Variants in MYO3A observed in about 807,000 individuals in gnomAD.
The protein encoded by MYO3A is myosin IIIA.
In MYO3A, 180 loss-of-function variants were observed where a neutral mutation model predicts 192.7. The observed-to-expected ratio is 0.93, with a 90% CI of 0.83 to 1.06. MYO3A has a LOEUF of 1.06. Ranked by LOEUF, MYO3A falls within the 50% of genes least tolerant of loss-of-function variation. The probability of loss-of-function intolerance (pLI) is 0.00; values close to 1 mark genes in which losing one functional copy is unlikely to be tolerated. For missense variants in MYO3A, 1,896 were observed against 1,905.0 expected (o/e 1.00, Z 0.09); for synonymous variants, 628 against 645.3 (o/e 0.97, Z 0.41).
intron 6 of MYO3A, among the ~76,000 whole-genome samples, chr10:26,001,996 G>A (rs1840858405): frequency 6.6e-6 from 1 of 152,124 alleles, no homozygotes; most frequent in Non-Finnish European, 1.5e-5. Flanking sequence ...GAGGAGGGAT[G>A]CCATCTGAGA....
intron 20 of MYO3A, among the ~76,000 whole-genome samples, chr10:26,140,403 G>T (rs746756076): frequency 6.6e-6 from 1 of 152,186 alleles, no homozygotes; most frequent in Non-Finnish European, 1.5e-5. Context: ...CAAGGGAGAG[G>T]CTGGGCACGG....
chr10:26,112,412 A>G (rs1838244481), intron 17 of MYO3A, among the ~76,000 whole-genome samples: 1 of 152,272 alleles, frequency 6.6e-6, no homozygotes, highest in Middle Eastern at 3.4e-3. Flanking sequence ...TATCCCCAAT[A>G]TTGATTTTTA....
chr10:26,154,029 T>G, intron 24 of MYO3A, 100 bp downstream of exon 24: 1 of 868,306 alleles, frequency 1.2e-6, no homozygotes, highest in South Asian at 1.5e-5. Flanking sequence ...TTTTCTTAGT[T>G]TTTCTCCCTT....
At chr10:26,006,858 G>A (rs1357108217) in intron 6 of MYO3A, among the ~76,000 whole-genome samples, 2 of 151,436 alleles carry the variant, frequency 1.3e-5, no homozygotes, top group Admixed American at 6.6e-5. Context: ...AGAAAAAGAG[G>A]GAATCCTCCC....
At chr10:26,005,367 G>C (rs1841122163) in intron 6 of MYO3A, among the ~76,000 whole-genome samples, 1 of 152,146 alleles carries the variant, frequency 6.6e-6, no homozygotes, top group African/African-American at 2.4e-5. Context: ...AACTCCTCCA[G>C]ATTGAAGGAG....
chr10:26,181,653 C>A (rs1276010573), intron 31 of MYO3A, among the ~76,000 whole-genome samples: 1 of 150,576 alleles, frequency 6.6e-6, no homozygotes, highest in Non-Finnish European at 1.5e-5. Flanking sequence ...CTTTACTCAT[C>A]AAAATTGCAA....
chr10:26,090,830 G>A (rs575237655), intron 15 of MYO3A, among the ~76,000 whole-genome samples: 24 of 152,248 alleles, frequency 1.6e-4, no homozygotes, highest in Non-Finnish European at 2.8e-4. Context: ...AGAATGAATG[G>A]TGAGAAGCCC....
chr10:26,075,256 TTC>T (rs1243764177), intron 14 of MYO3A, among the ~76,000 whole-genome samples: 2 of 151,802 alleles, frequency 1.3e-5, no homozygotes, highest in African/African-American at 2.4e-5. Context: ...TTTGGATTTT[TTC>T]TTTTTTAATT....
chr10:26,070,377 T>G lies in MYO3A; in HGVS notation c.1335T>G (p.Val445=), dbSNP rs752150522. The part of the protein sequence containing the change: ...AGKTENAHLL[V]QQLTVLGKAN... ...AGACTGAAAATGCTCATCTTTTAGTTCAGCAGCTGACAGTGCTTGGAAAGG... is the reference window on the plus strand; with the variant it reads ...AGACTGAAAATGCTCATCTTTTAGTGCAGCAGCTGACAGTGCTTGGAAAGG... Residue 445 remains valine, a synonymous_variant, in exon 14 of 35, where the codon GTT becomes GTG. Transcript: ENST00000642920. The G allele has an allele frequency of 1.2e-6, 2 of 1,613,242 alleles. No homozygotes were observed.
rs368870461 is a variant in MYO3A at position 25,938,022 on chromosome 10, G to A, written c.-18+2192G>A. On this transcript the variant is annotated intron_variant, in intron 2 of 34. Transcript: ENST00000642920. ...ATGTTCTGTAAGAAAGGAGACACCC[G>A]AAACTTGTTTGGCGATTCAGACTAG... Among the ~76,000 whole-genome samples the A allele has an allele frequency of 1.7e-3, 261 of 152,258 alleles. 11 individuals are homozygous for A. The South Asian group carries it at 0.052, about 30-fold the overall frequency.
chr10:26,182,769 T>C (rs1282085016), intron 31 of MYO3A, among the ~76,000 whole-genome samples: 2 of 152,196 alleles, frequency 1.3e-5, no homozygotes, highest in African/African-American at 4.8e-5. Context: ...TTTTGGTTGT[T>C]TGGCTGTATC....
At chr10:26,188,091 A>G (rs1481146472) in intron 31 of MYO3A, among the ~76,000 whole-genome samples, 1 of 152,186 alleles carries the variant, frequency 6.6e-6, no homozygotes, top group Non-Finnish European at 1.5e-5. Context: ...TGGTTGAACT[A>G]GTTTACAGTC....
chr10:26,150,680 C>G (rs78878578), intron 23 of MYO3A, among the ~76,000 whole-genome samples: 1 of 152,060 alleles, frequency 6.6e-6, no homozygotes, highest in Non-Finnish European at 1.5e-5. Flanking sequence ...TCATAAGTGA[C>G]GTTGGTAATT....
intron 17 of MYO3A, among the ~76,000 whole-genome samples, chr10:26,119,001 G>A (rs912893008): frequency 6.6e-6 from 1 of 152,140 alleles, no homozygotes; most frequent in African/African-American, 2.4e-5. Flanking sequence ...AGTTCTTACT[G>A]CACTGTTCCT....
chr10:26,002,563 C>T (rs554644727), intron 6 of MYO3A, among the ~76,000 whole-genome samples: 15 of 129,656 alleles, frequency 1.2e-4, no homozygotes, highest in African/African-American at 5.5e-4. Flanking sequence ...TGGTTATGAC[C>T]GAGCAGGTAA....
At chr10:26,177,130 G>A (rs923717201) in intron 31 of MYO3A, among the ~76,000 whole-genome samples, 1 of 151,960 alleles carries the variant, frequency 6.6e-6, no homozygotes, top group Non-Finnish European at 1.5e-5. Flanking sequence ...TTGGTATAGA[G>A]AGGGGGGCTG....
At chr10:26,024,734 T>A (rs1487573133) in intron 9 of MYO3A, among the ~76,000 whole-genome samples, 1 of 152,222 alleles carries the variant, frequency 6.6e-6, no homozygotes, top group African/African-American at 2.4e-5. Flanking sequence ...GAGTTGTAGA[T>A]GCTTCCACAC....
At chr10:25,957,015 G>A (rs186123526) in intron 4 of MYO3A, among the ~76,000 whole-genome samples, 2 of 152,230 alleles carry the variant, frequency 1.3e-5, no homozygotes, top group Non-Finnish European at 2.9e-5. Flanking sequence ...GTTTGCTAAG[G>A]ATAATAGCCT....
chr10:25,956,550 G>C (rs1021349160), intron 4 of MYO3A, among the ~76,000 whole-genome samples: 1 of 148,498 alleles, frequency 6.7e-6, no homozygotes, highest in Non-Finnish European at 1.5e-5. Context: ...CACTGTGTTG[G>C]CCAGTCTGGT....
Sources: gnomAD v4.1 joint callset for allele counts (sites outside exome capture counted in the v4.1 genomes callset) on GRCh38, gnomAD v4.1.1 for gene constraint, MANE v1.5 for transcripts, NCBI Gene and HGNC (gene_info 2026-07-23, HGNC 2026-07-21) for gene names.